The following STK32A variants were observed in gnomAD, a reference collection of about 807,000 sequenced individuals.
STK32A encodes the protein serine/threonine-protein kinase 32A.
In STK32A, 41 loss-of-function variants were observed where a neutral mutation model predicts 53.2. That is an observed-to-expected ratio of 0.77 (90% confidence interval 0.60 to 1.00). The LOEUF (loss-of-function observed/expected upper bound fraction) is 1.00. Ranked by LOEUF, STK32A falls within the 50% of genes least tolerant of loss-of-function variation. The pLI, the probability that STK32A is intolerant of heterozygous loss-of-function variation, is 0.00. For synonymous variants in STK32A, 166 were observed against 162.8 expected (o/e 1.02, Z -0.15); for missense variants, 458 against 485.8 (o/e 0.94, Z 0.54).
chr5:147,325,681 G>A (rs541241862), intron 5 of STK32A, among the ~76,000 whole-genome samples: 25 of 152,046 alleles, frequency 1.6e-4, no homozygotes, highest in African/African-American at 3.4e-4. Context: ...AGTTAATTAC[G>A]TAGGATCTCA....
chr5:147,239,950 T>C (rs1014151791), intron 2 of STK32A: 2 of 415,060 alleles, frequency 4.8e-6, no homozygotes, highest in African/African-American at 4.1e-5. Context: ...ATGTGGTGGA[T>C]AGTTAAATGA....
In STK32A at chr5:147,271,544, G is replaced by A. The variant is rs7729053; in HGVS notation, c.53-6580G>A. Among the ~76,000 whole-genome samples the A allele has an allele frequency of 5.3e-5, 8 of 152,088 alleles. No individual in the cohort carries two copies. In the South Asian group the frequency reaches 8.3e-4, roughly 16 times the overall value. ...GCCGGTGAGCCGGGAGGAACAGAGC[G>A]ATATTTCTCTTCTTTCAAAAGCAAA... On this transcript the variant is annotated intron_variant, in intron 2 of 12. Coordinates refer to ENST00000397936, the MANE Select transcript of STK32A (RefSeq NM_001112724.2).
intron 5 of STK32A, among the ~76,000 whole-genome samples, chr5:147,338,873 T>C (rs1479879497): frequency 6.6e-6 from 1 of 152,222 alleles, no homozygotes. Flanking sequence ...TGGGTGCTCT[T>C]AAAAACATTA....
chr5:147,274,858 T>C (rs1160483388), intron 2 of STK32A, among the ~76,000 whole-genome samples: 1 of 152,190 alleles, frequency 6.6e-6, no homozygotes, highest in Non-Finnish European at 1.5e-5. Flanking sequence ...ATTCAGGTTG[T>C]CTGTCTTCAG....
intron 11 of STK32A, among the ~76,000 whole-genome samples, chr5:147,382,349 C>G (rs1332517636): frequency 6.6e-6 from 1 of 151,864 alleles, no homozygotes. Context: ...TTGATTTTCT[C>G]TATATCTTCC....
rs549103083 is a variant in STK32A at position 147,339,783 on chromosome 5, G to A, written c.435-3223G>A. 4.6e-5 allele frequency among the ~76,000 whole-genome samples: 7 copies of A among 152,344 alleles called. No homozygotes were observed. The South Asian group carries it at 1.4e-3, about 32-fold the overall frequency. On this transcript the variant is annotated intron_variant, in intron 5 of 12. Transcript: ENST00000397936. ...GCCCTGCTGGATTTCAGACTTGCAT[G>A]AGGCCTGTAGCCACTTTGTTTTGGC...
At chr5:147,247,158 G>T (rs1753796822) in intron 2 of STK32A, among the ~76,000 whole-genome samples, 1 of 152,212 alleles carries the variant, frequency 6.6e-6, no homozygotes, top group African/African-American at 2.4e-5. Flanking sequence ...TATCTTCAAA[G>T]AAAATGGGAG....
At chr5:147,236,929 T>G (rs1016726143) in intron 1 of STK32A, among the ~76,000 whole-genome samples, 2 of 152,144 alleles carry the variant, frequency 1.3e-5, no homozygotes, top group Admixed American at 6.5e-5. Flanking sequence ...CTGGGGTGCA[T>G]TGTGAAAACT....
chr5:147,300,241 T>C (rs986894601), intron 4 of STK32A, among the ~76,000 whole-genome samples: 2 of 152,316 alleles, frequency 1.3e-5, no homozygotes, highest in South Asian at 4.1e-4. Context: ...CTGAAGAAAC[T>C]GAGGCTCAAA....
chr5:147,238,175 AC>A (rs1246653083), intron 1 of STK32A, among the ~76,000 whole-genome samples: 1 of 152,240 alleles, frequency 6.6e-6, no homozygotes, highest in African/African-American at 2.4e-5. Flanking sequence ...CAAAATCTAG[AC>A]CTTTACCCCA....
intron 2 of STK32A, among the ~76,000 whole-genome samples, chr5:147,241,805 C>T (rs1196933872): frequency 1.3e-5 from 2 of 152,152 alleles, no homozygotes; most frequent in African/African-American, 2.4e-5. Context: ...TTCCTCTGGA[C>T]TCAGAGCTAA....
intron 11 of STK32A, among the ~76,000 whole-genome samples, chr5:147,380,447 A>G (rs1393362874): frequency 6.6e-6 from 1 of 152,098 alleles, no homozygotes; most frequent in Non-Finnish European, 1.5e-5. Context: ...GTACTGGAGA[A>G]CTTAGCATAT....
At chr5:147,360,459 A>G (rs575551785) in intron 7 of STK32A, among the ~76,000 whole-genome samples, 2 of 144,236 alleles carry the variant, frequency 1.4e-5, no homozygotes, top group African/African-American at 2.7e-5. Context: ...TCAAAAAAAA[A>G]AAAAAAAAGA....
intron 9 of STK32A, among the ~76,000 whole-genome samples, chr5:147,371,451 T>C (rs1488389522): frequency 6.6e-6 from 1 of 152,198 alleles, no homozygotes; most frequent in African/African-American, 2.4e-5. Flanking sequence ...TCTTTTCTCC[T>C]TCTTCACTTT....
chr5:147,261,298 G>A (rs571084110), intron 2 of STK32A, among the ~76,000 whole-genome samples: 34 of 152,156 alleles, frequency 2.2e-4, no homozygotes, highest in Admixed American at 3.9e-4. Context: ...AGAAGGGTGC[G>A]CCCTTACAGA....
At chr5:147,303,914 T>C (rs757604352) in intron 4 of STK32A, among the ~76,000 whole-genome samples, 55 of 152,210 alleles carry the variant, frequency 3.6e-4, no homozygotes, top group Admixed American at 2.8e-3. Context: ...GACTGACTGA[T>C]GAACAGGAAG....
intron 4 of STK32A, among the ~76,000 whole-genome samples, chr5:147,310,099 C>G (rs1300664371): frequency 6.6e-6 from 1 of 152,110 alleles, no homozygotes; most frequent in Non-Finnish European, 1.5e-5. Flanking sequence ...ACCATTATGT[C>G]GTATTATTCC....
intron 6 of STK32A, among the ~76,000 whole-genome samples, chr5:147,349,976 T>C (rs905954565): frequency 7.9e-5 from 12 of 151,882 alleles, no homozygotes; most frequent in Non-Finnish European, 1.8e-4. Context: ...CTGAGCATGG[T>C]TGTGCATGCC....
At chr5:147,239,906 A>G in intron 2 of STK32A, 1 of 519,060 alleles carries the variant, frequency 1.9e-6, no homozygotes, top group South Asian at 2.6e-5. Context: ...CCACTATACC[A>G]ATGTCCTTTG....
Sources: gnomAD v4.1 joint callset for allele counts (sites outside exome capture counted in the v4.1 genomes callset) on GRCh38, gnomAD v4.1.1 for gene constraint, MANE v1.5 for transcripts, NCBI Gene and HGNC (gene_info 2026-07-23, HGNC 2026-07-21) for gene names.